Variants in CCDC30 observed in about 807,000 individuals in gnomAD.
The protein encoded by CCDC30 is coiled-coil domain containing 30, also known as coiled-coil domain-containing protein 30.
In CCDC30, 70 loss-of-function variants were observed where a neutral mutation model predicts 100.2. The observed-to-expected ratio is 0.70, with a 90% CI of 0.58 to 0.85. CCDC30 has a LOEUF of 0.85. CCDC30 is among the 40% of genes least tolerant of loss of function. The pLI, the probability that CCDC30 is intolerant of heterozygous loss-of-function variation, is 0.00. For missense variants in CCDC30, 652 were observed against 771.2 expected (o/e 0.85, Z 1.83); for synonymous variants, 233 against 269.5 (o/e 0.86, Z 1.33).
chr1:42,500,473 G>A (rs1569825404), intron 6 of CCDC30: 1 of 616,172 alleles, frequency 1.6e-6, no homozygotes, highest in Non-Finnish European at 2.9e-6. Context: ...GAGTGCAGTG[G>A]CGTGATGTCG....
chr1:42,580,994 A>G (rs899449702), intron 8 of CCDC30: 5 of 366,758 alleles, frequency 1.4e-5, no homozygotes, highest in African/African-American at 1.1e-4. Flanking sequence ...ACTCACCACC[A>G]CGCCCGGCTA....
chr1:42,578,534 C>T (rs1361475519), intron 8 of CCDC30, among the ~76,000 whole-genome samples: 1 of 151,976 alleles, frequency 6.6e-6, no homozygotes. Flanking sequence ...GTTATAATTC[C>T]ATTAAAAAGT....
At chr1:42,567,332 A>G (rs575458870) in intron 7 of CCDC30, among the ~76,000 whole-genome samples, 10 of 152,348 alleles carry the variant, frequency 6.6e-5, no homozygotes, top group African/African-American at 2.4e-4. Flanking sequence ...ATGAAACCAT[A>G]TGACCCACAA....
intron 6 of CCDC30, chr1:42,510,149 T>C: frequency 1.0e-6 from 1 of 979,784 alleles, no homozygotes; most frequent in Non-Finnish European, 1.2e-6. Context: ...TCAATTAGGG[T>C]TGTCAATAAG....
intron 10 of CCDC30, chr1:42,592,872 G>A (rs1205311804): frequency 1.3e-5 from 2 of 152,292 alleles, no homozygotes; most frequent in African/African-American, 2.4e-5. Context: ...AAGCTGAGCA[G>A]ATGCTGGCAC....
At chr1:42,581,103 A>C in intron 8 of CCDC30, 1 of 384,684 alleles carries the variant, frequency 2.6e-6, no homozygotes, top group Non-Finnish European at 4.8e-6. Context: ...AGCCTCCCAC[A>C]GTTCTGGGAT....
At chr1:42,623,462 G>A (rs1164031188) in intron 11 of CCDC30, among the ~76,000 whole-genome samples, 1 of 152,176 alleles carries the variant, frequency 6.6e-6, no homozygotes, top group Non-Finnish European at 1.5e-5. Context: ...TGGACATCCA[G>A]TTTTCCCAGC....
intron 6 of CCDC30, among the ~76,000 whole-genome samples, chr1:42,517,412 T>C (rs767722648): frequency 3.3e-5 from 5 of 152,230 alleles, no homozygotes; most frequent in Non-Finnish European, 2.9e-5. Context: ...TCAAAAGTTT[T>C]TAGTTTTTAT....
chr1:42,654,642 G>A (rs1648601115), downstream of CCDC30: 1 of 151,628 alleles, frequency 6.6e-6, no homozygotes. Context: ...TCCAGCCTGG[G>A]TGACAGAGTG....
chr1:42,572,209 G>A (rs1445464152), intron 7 of CCDC30, among the ~76,000 whole-genome samples: 1 of 152,152 alleles, frequency 6.6e-6, no homozygotes, highest in African/African-American at 2.4e-5. Context: ...TGCAAACCTA[G>A]TATACGTGTA....
intron 11 of CCDC30, among the ~76,000 whole-genome samples, chr1:42,614,786 C>G (rs949399096): frequency 1.2e-3 from 165 of 137,164 alleles, no homozygotes; most frequent in African/African-American, 4.3e-3. Context: ...GACTCCATCT[C>G]GAAAAAAAAA....
intron 11 of CCDC30, among the ~76,000 whole-genome samples, chr1:42,611,626 T>C (rs1439374186): frequency 1.4e-5 from 2 of 146,696 alleles, no homozygotes; most frequent in South Asian, 4.3e-4. Flanking sequence ...GACATTTGGT[T>C]TTTAGGCAGT....
At chr1:42,647,485 T>C (rs913214803) in intron 15 of CCDC30, among the ~76,000 whole-genome samples, 2 of 152,230 alleles carry the variant, frequency 1.3e-5, no homozygotes, top group Admixed American at 6.5e-5. Context: ...AACCTAATAA[T>C]AGTGGGGACT....
At chr1:42,506,065 GAGAA>G (rs1291036270) in intron 6 of CCDC30, among the ~76,000 whole-genome samples, 1 of 152,196 alleles carries the variant, frequency 6.6e-6, no homozygotes, top group Non-Finnish European at 1.5e-5. Flanking sequence ...ACCAGGCAAT[GAGAA>G]AGAAGTATGC....
At chr1:42,459,721 G>A (rs772504440), upstream of CCDC30, 17 of 1,613,996 alleles carry the variant, frequency 1.1e-5, no homozygotes, top group African/African-American at 6.7e-5. Context: ...AATCGAGCTC[G>A]GAAGGCTTTG....
intron 11 of CCDC30, 83 bp downstream of exon 15, chr1:42,611,173 G>T: frequency 1.3e-6 from 1 of 742,818 alleles, no homozygotes; most frequent in South Asian, 1.9e-5. Flanking sequence ...CTAAATGGTG[G>T]GCTGCTCACT....
At chr1:42,575,295 A>T (rs1645809449) in intron 7 of CCDC30, among the ~76,000 whole-genome samples, 1 of 152,124 alleles carries the variant, frequency 6.6e-6, no homozygotes, top group Admixed American at 6.6e-5. Flanking sequence ...CTCAGTAAAT[A>T]ATTGTTTAAT....
chr1:42,644,817 G>T lies in CCDC30; in HGVS notation c.1671+10G>T. ...TATTCGCAGAGGAGAGGTAAGATGTGTGCTTCCTATTGGGCCTGCCTTTAA... is the reference window on the plus strand; with the variant it reads ...TATTCGCAGAGGAGAGGTAAGATGTTTGCTTCCTATTGGGCCTGCCTTTAA... On this transcript the variant is annotated intron_variant, in intron 14 of 16. Coordinates refer to ENST00000668663, the Ensembl canonical transcript of CCDC30. 6.5e-7 allele frequency: 1 copy of T among 1,547,350 alleles called. No homozygotes were observed. The highest frequency in any genetic ancestry group is 8.9e-7 in the Non-Finnish European group (1 of 1,119,108).
At chr1:42,655,554 T>TAAATA (rs556487687), downstream of CCDC30, among the ~76,000 whole-genome samples, 117 of 151,454 alleles carry the variant, frequency 7.7e-4, 2 homozygotes, top group Middle Eastern at 3.4e-3. Context: ...CTCGAAAAAA[T>TAAATA]AAATAAAATA....
Sources: allele counts gnomAD v4.1 joint callset (sites outside exome capture counted in the v4.1 genomes callset), GRCh38; gene constraint gnomAD v4.1.1; transcripts MANE v1.5; gene names NCBI Gene and HGNC (gene_info 2026-07-23, HGNC 2026-07-21).